Variants in ATPAF1 observed in about 807,000 individuals in gnomAD.
ATPAF1 encodes homolog of yeast ATP11.
In ATPAF1, 26 loss-of-function variants were observed where a neutral mutation model predicts 43.9. That is an observed-to-expected ratio of 0.59 (90% CI 0.43 to 0.82). ATPAF1 has a LOEUF of 0.82. ATPAF1 is among the 40% of genes least tolerant of loss of function. The pLI is 0.00. For missense variants in ATPAF1, 366 were observed against 435.0 expected, an observed-to-expected ratio of 0.84 and a Z score of 1.41; for synonymous variants, 157 against 168.0, an observed-to-expected ratio of 0.93 and a Z score of 0.50.
intron 8 of ATPAF1, among the ~76,000 whole-genome samples, chr1:46,640,683 T>C (rs183080980): frequency 6.6e-6 from 1 of 152,194 alleles, no homozygotes; most frequent in East Asian, 1.9e-4. Flanking sequence ...TTCCCCCTAA[T>C]CATTTAAAGA....
At chr1:46,658,224 A>G in intron 3 of ATPAF1, 35 bp from the exon 4 acceptor site, 1 of 1,388,962 alleles carries the variant, frequency 7.2e-7, no homozygotes, top group Non-Finnish European at 9.9e-7. Context: ...TTAACACATA[A>G]TTAAAAAAAA....
chr1:46,638,395 G>A (rs1675881821), intron 8 of ATPAF1, among the ~76,000 whole-genome samples: 1 of 152,170 alleles, frequency 6.6e-6, no homozygotes, highest in African/African-American at 2.4e-5. Flanking sequence ...GAGGTGGGCG[G>A]ATCATGAGGT....
At chr1:46,638,814 A>G (rs566424460) in intron 8 of ATPAF1, among the ~76,000 whole-genome samples, 2 of 151,954 alleles carry the variant, frequency 1.3e-5, no homozygotes, top group East Asian at 1.9e-4. Context: ...CCAAGACCCA[A>G]TAAGATAAAC....
At chr1:46,657,837 C>G (rs546834859) in intron 4 of ATPAF1, among the ~76,000 whole-genome samples, 10 of 152,074 alleles carry the variant, frequency 6.6e-5, no homozygotes, top group African/African-American at 1.7e-4. Flanking sequence ...GAAGGGAAAC[C>G]TATTTGGAAA....
exon 9 of ATPAF1, chr1:46,635,896 C>A (rs149829714): frequency 1.6e-4 from 261 of 1,614,268 alleles, no homozygotes; most frequent in Middle Eastern, 1.2e-3. Flanking sequence ...TCTCCACTAA[C>A]CCGTAGGTCT....
At chr1:46,639,227 T>TAC (rs1477516340) in intron 8 of ATPAF1, among the ~76,000 whole-genome samples, 2 of 40,562 alleles carry the variant, frequency 4.9e-5, no homozygotes, top group South Asian at 7.8e-4. Context: ...ACCTTACATA[T>TAC]ACACACATAC....
Position 46,653,524 on chromosome 1 carries a change from A to G in ATPAF1, c.540+293T>C, listed in dbSNP as rs750883135. Among the ~76,000 whole-genome samples the G allele has an allele frequency of 1.1e-4, 17 of 152,040 alleles. No individual in the cohort carries two copies. Among genetic ancestry groups the G allele is most frequent in the Non-Finnish European group, 8.8e-5 (6 of 68,000 alleles). On this transcript the variant is annotated intron_variant, in intron 5 of 8. Coordinates refer to ENST00000574428, the Ensembl canonical transcript of ATPAF1. The surrounding 1 kb of genome is among the most constrained non-coding windows in gnomAD (Gnocchi z 4.8). ...AGCTTGGTTGGAAAACATCAGTAAG[A>G]AAAAAAAGACATCTGGAAATTACTC...
chr1:46,668,242 G>C lies in ATPAF1; in HGVS notation c.81C>G (p.Cys27Trp). The stretch of plus-strand genomic sequence containing the variant: ...GGCCCAGGGCGCGGCTGCGCACCGC[G>C]CACAGGCCCCGGTAGAGACCGGCCA... The change falls in exon 1 of 9, where the codon TGC becomes TGG. Residue 27 changes from cysteine to tryptophan, a missense_variant. Coordinates refer to ENST00000574428, the Ensembl canonical transcript of ATPAF1. This position sits in a 1 kb window ranked among gnomAD's most constrained non-coding sequence, Gnocchi z 4.4. The C allele has an allele frequency of 2.9e-6, 4 of 1,371,894 alleles. No homozygotes were observed. The highest frequency in any genetic ancestry group is 1.7e-5 in the South Asian group (1 of 60,542). 85.0% of individuals were successfully genotyped at this position (1,371,894 alleles called of 1,614,324 possible).
At position 46,668,122 on chromosome 1, in the gene ATPAF1, G is replaced by T. The variant is rs1473182459; in HGVS notation, c.201C>A (p.Ala67=). Residue 67 remains alanine (A), a synonymous_variant, in exon 1 of 9, where the codon GCC becomes GCA. Transcript: ENST00000574428. The surrounding 1 kb of genome is among the most constrained non-coding windows in gnomAD (Gnocchi z 4.4). ...AAGGGTTGGCCTGGAGCTCGGCCTCGGCCCCGACCCCGCTGCTGTCGGCGC... is the reference window on the plus strand; with the variant it reads ...AAGGGTTGGCCTGGAGCTCGGCCTCTGCCCCGACCCCGCTGCTGTCGGCGC... The T allele has an allele frequency of 7.0e-7, 1 of 1,434,870 alleles. No homozygotes were observed. Among genetic ancestry groups the T allele is most frequent in the Admixed American group, 2.9e-5 (1 of 34,630 alleles). 88.9% of individuals were successfully genotyped at this position (1,434,870 alleles called of 1,614,324 possible).
At chr1:46,652,158 C>A (rs973020399) in intron 6 of ATPAF1, among the ~76,000 whole-genome samples, 3 of 150,954 alleles carry the variant, frequency 2.0e-5, no homozygotes, top group Non-Finnish European at 4.4e-5. Context: ...CACACTGTAC[C>A]CCATAAATAT....
intron 4 of ATPAF1, among the ~76,000 whole-genome samples, chr1:46,655,637 GCT>G (rs1475650062): frequency 6.6e-6 from 1 of 152,062 alleles, no homozygotes; most frequent in Non-Finnish European, 1.5e-5. Context: ...TCATATGGAT[GCT>G]CTGTGTTCTT....
intron 2 of ATPAF1, among the ~76,000 whole-genome samples, chr1:46,661,158 C>T (rs1165001921): frequency 3.3e-5 from 5 of 151,992 alleles, no homozygotes; most frequent in Admixed American, 1.3e-4. Flanking sequence ...CTGCAACCTC[C>T]GCCTCCCGGG....
At chr1:46,638,219 T>G (rs1258064) in intron 8 of ATPAF1, among the ~76,000 whole-genome samples, 130,809 of 152,156 alleles carry the variant, frequency 0.86, 58,565 homozygotes, top group Non-Finnish European at 0.99. Context: ...GAGTCCTAGG[T>G]GCTCTGTGGA....
At chr1:46,640,830 T>C (rs1445665636) in intron 8 of ATPAF1, among the ~76,000 whole-genome samples, 1 of 152,222 alleles carries the variant, frequency 6.6e-6, no homozygotes, top group Non-Finnish European at 1.5e-5. Context: ...CCAACATTTT[T>C]CCAACCTTGC....
At chr1:46,636,717 T>G (rs577810787) in intron 8 of ATPAF1, among the ~76,000 whole-genome samples, 1 of 150,214 alleles carries the variant, frequency 6.7e-6, no homozygotes. Context: ...GTCTGGGTAA[T>G]GTAGTGAGCC....
Position 46,668,021 on chromosome 1 carries a change from G to T in ATPAF1, c.266+36C>A. 7.5e-7 allele frequency: 1 copy of T among 1,328,252 alleles called. No homozygotes were observed. 82.3% of individuals were successfully genotyped at this position (1,328,252 alleles called of 1,614,324 possible). On this transcript the variant is annotated intron_variant, in intron 1 of 8. Coordinates refer to ENST00000574428, the Ensembl canonical transcript of ATPAF1. This position sits in a 1 kb window ranked among gnomAD's most constrained non-coding sequence, Gnocchi z 4.4. ...AGCAGCCCGGGCCGCCCCTCCTCCC[G>T]CCTCCTGCCCGCCTCCAGCCAACCC... is the stretch of plus-strand genomic sequence containing the variant.
Position 46,653,916 on chromosome 1 carries a change from A to G in ATPAF1, c.490-49T>C. ...CTGTGACATGTGGGTAATCTTTTCA[A>G]CATGTGCCAAGAAATGGTGACAGTT... On this transcript the variant is annotated intron_variant, in intron 4 of 8. Transcript: ENST00000574428. The surrounding 1 kb of genome is among the most constrained non-coding windows in gnomAD (Gnocchi z 4.8). 6.4e-7 allele frequency: 1 copy of G among 1,555,934 alleles called. No homozygotes were observed. The highest frequency in any genetic ancestry group is 1.4e-5 in the African/African-American group (1 of 73,590).
intron 4 of ATPAF1, 23 bp downstream of exon 4, chr1:46,658,104 G>T (rs766946099): frequency 1.2e-6 from 2 of 1,602,520 alleles, no homozygotes; most frequent in East Asian, 2.2e-5. Context: ...CATAGAGTAG[G>T]CCAGCCCATT....
At chr1:46,661,594 C>G (rs76286892) in intron 2 of ATPAF1, among the ~76,000 whole-genome samples, 1 of 152,102 alleles carries the variant, frequency 6.6e-6, no homozygotes, top group East Asian at 1.9e-4. Context: ...GATTTTCCCA[C>G]CTGAGGTTAT....
Sources: allele counts gnomAD v4.1 joint callset (sites outside exome capture counted in the v4.1 genomes callset), GRCh38; gene constraint gnomAD v4.1.1; non-coding constraint Gnocchi (gnomAD v3.1); transcripts MANE v1.5; gene names NCBI Gene and HGNC (gene_info 2026-07-23, HGNC 2026-07-21).